INVS: variants seen among roughly 807,000 people sequenced by gnomAD.
INVS encodes the protein inversin, also known as inversion of embryo turning homolog.
A neutral mutation model predicts 108.8 loss-of-function variants in INVS; 86 were observed. The observed-to-expected ratio is 0.79, with a 90% CI of 0.66 to 0.95. INVS has a LOEUF of 0.95. Among genes scored for constraint, INVS ranks in the 40% least tolerant of loss-of-function variants. The probability of loss-of-function intolerance (pLI) is 0.00; values close to 1 mark genes in which losing one functional copy is unlikely to be tolerated. For synonymous variants in INVS, 455 were observed against 473.5 expected (o/e 0.96, Z 0.51); for missense variants, 1,169 against 1,297.4 (o/e 0.90, Z 1.52).
chr9:100,148,821 T>C (rs960285536), intron 3 of INVS, among the ~76,000 whole-genome samples: 1 of 152,202 alleles, frequency 6.6e-6, no homozygotes, highest in Non-Finnish European at 1.5e-5. Context: ...ATTCCATCCA[T>C]GTCAAGAAAA....
chr9:100,110,767 C>T (rs1276048515), intron 2 of INVS, among the ~76,000 whole-genome samples: 1 of 152,100 alleles, frequency 6.6e-6, no homozygotes, highest in Admixed American at 6.5e-5. Context: ...TATTAAATAG[C>T]AAGGTGTTGG....
intron 8 of INVS, among the ~76,000 whole-genome samples, chr9:100,251,150 A>ATTGTT (rs1267842649): frequency 2.3e-4 from 35 of 152,150 alleles, no homozygotes; most frequent in Admixed American, 6.5e-5. Flanking sequence ...TTGATGGGGA[A>ATTGTT]TTGTTTTGTT....
At chr9:100,138,709 T>TC (rs1354508128) in intron 3 of INVS, among the ~76,000 whole-genome samples, 1 of 149,292 alleles carries the variant, frequency 6.7e-6, no homozygotes, top group Non-Finnish European at 1.5e-5. Flanking sequence ...CCTTTTTTTT[T>TC]TTTTTTTTTC....
chr9:100,213,375 C>CT (rs898788841), intron 3 of INVS, among the ~76,000 whole-genome samples: 6 of 150,806 alleles, frequency 4.0e-5, no homozygotes, highest in African/African-American at 7.3e-5. Flanking sequence ...TTTCTTTTTT[C>CT]TTTTTTTTTA....
At chr9:100,153,031 G>GTA (rs1828857186) in intron 3 of INVS, among the ~76,000 whole-genome samples, 1 of 149,962 alleles carries the variant, frequency 6.7e-6, no homozygotes, top group Middle Eastern at 3.2e-3. Context: ...GTGTGTGTGT[G>GTA]TACAGGTGCA....
chr9:100,245,111 A>G (rs912354848), intron 7 of INVS, among the ~76,000 whole-genome samples: 1 of 152,166 alleles, frequency 6.6e-6, no homozygotes, highest in Non-Finnish European at 1.5e-5. Flanking sequence ...TTTGTCTGAA[A>G]CTCTTTTACC....
intron 3 of INVS, among the ~76,000 whole-genome samples, chr9:100,196,114 T>C (rs1830366414): frequency 6.6e-6 from 1 of 152,214 alleles, no homozygotes; most frequent in African/African-American, 2.4e-5. Context: ...CATCTAGTCT[T>C]GCTGGAGTTT....
At chr9:100,186,102 C>T (rs1441352419) in intron 3 of INVS, among the ~76,000 whole-genome samples, 2 of 152,048 alleles carry the variant, frequency 1.3e-5, no homozygotes, top group Non-Finnish European at 2.9e-5. Flanking sequence ...GGTAGATCTA[C>T]TTTTAGTTCC....
chr9:100,177,289 C>T (rs1203933230), intron 3 of INVS, among the ~76,000 whole-genome samples: 1 of 152,142 alleles, frequency 6.6e-6, no homozygotes, highest in African/African-American at 2.4e-5. Flanking sequence ...ATTCTCTCCC[C>T]TGGAAAGGGG....
intron 4 of INVS, among the ~76,000 whole-genome samples, chr9:100,226,832 A>T (rs1314218586): frequency 6.8e-6 from 1 of 146,454 alleles, no homozygotes; most frequent in Non-Finnish European, 1.5e-5. Context: ...AAAAAAAAAA[A>T]AAATCAGTCC....
intron 3 of INVS, among the ~76,000 whole-genome samples, chr9:100,126,940 T>A (rs985932582): frequency 3.9e-5 from 6 of 152,242 alleles, no homozygotes; most frequent in African/African-American, 1.4e-4. Context: ...TTTTTACTTT[T>A]CACTGTTTAA....
At chr9:100,242,514 A>G in intron 6 of INVS, 56 bp from the exon 7 acceptor site, 1 of 961,926 alleles carries the variant, frequency 1.0e-6, no homozygotes, top group Admixed American at 1.7e-5. Context: ...TAAATAGATT[A>G]TAAATTAATT....
At chr9:100,194,505 T>G (rs374995669) in intron 3 of INVS, among the ~76,000 whole-genome samples, 9,440 of 88,270 alleles carry the variant, frequency 0.11, 373 homozygotes, top group Non-Finnish European at 0.17. Flanking sequence ...AAATGAGGGT[T>G]TTTTTTTTCA....
chr9:100,129,551 A>G (rs563360744), intron 3 of INVS: 73 of 477,790 alleles, frequency 1.5e-4, no homozygotes, highest in African/African-American at 1.3e-3. Context: ...TCAGAAAAAT[A>G]AGAAACCAAC....
chr9:100,163,684 TAAG>T (rs1386605476), intron 3 of INVS, among the ~76,000 whole-genome samples: 1 of 151,880 alleles, frequency 6.6e-6, no homozygotes, highest in Non-Finnish European at 1.5e-5. Context: ...AGACCTCACT[TAAG>T]AAAGTAATAT....
At chr9:100,236,328 A>T (rs1831686312) in intron 5 of INVS, among the ~76,000 whole-genome samples, 1 of 151,986 alleles carries the variant, frequency 6.6e-6, no homozygotes, top group Admixed American at 6.6e-5. Flanking sequence ...GGAGGATTTT[A>T]TTACCCACCT....
chr9:100,229,679 G>A lies in INVS; in HGVS notation c.467G>A (p.Ser156Asn). The A allele has an allele frequency of 6.2e-7, 1 of 1,614,048 alleles. No individual in the cohort carries two copies. Among genetic ancestry groups the A allele is most frequent in the Non-Finnish European group, 8.5e-7 (1 of 1,179,968 alleles). Residue 156 changes from serine (S) to asparagine (N), a missense_variant, in exon 5 of 17, where the codon AGT (serine) becomes AAT (asparagine). Physicochemically the swap from Ser to Asn is conservative, Grantham distance 46. This residue lies in a region of INVS where 365 missense variants were observed against 397.5 expected (regional missense o/e 0.92). Coordinates refer to ENST00000262457, the MANE Select transcript of INVS (RefSeq NM_014425.5). ...TTGCAGCAAACAGCTCTGCATTGGA[G>A]TGCCTACTACAATAACCCTGAGCAT... ...DKNKQTALHW[S>N]AYYNNPEHVK...
intron 12 of INVS, among the ~76,000 whole-genome samples, chr9:100,278,671 C>T (rs1166519862): frequency 6.6e-6 from 1 of 152,216 alleles, no homozygotes; most frequent in African/African-American, 2.4e-5. Context: ...CTTAGTTTCC[C>T]CATCTGTCAA....
At chr9:100,131,935 T>C (rs1828067158) in intron 3 of INVS, 1 of 978,022 alleles carries the variant, frequency 1.0e-6, no homozygotes, top group Admixed American at 6.1e-5. Context: ...TCTGAAACTT[T>C]TCAGGAACAC....
Sources: gnomAD v4.1 joint callset for allele counts (sites outside exome capture counted in the v4.1 genomes callset) on GRCh38, gnomAD v4.1.1 for gene constraint, gnomAD v4.1.1 regional missense constraint, MANE v1.5 for transcripts, NCBI Gene and HGNC (gene_info 2026-07-23, HGNC 2026-07-21) for gene names.